Variants in FBN2 observed in about 807,000 individuals in gnomAD.
FBN2 encodes fibrillin-2.
Under a neutral mutation model 355.6 loss-of-function variants are expected in FBN2, and 105 were observed. That is an observed-to-expected ratio of 0.30 (90% CI 0.25 to 0.35). The LOEUF (loss-of-function observed/expected upper bound fraction) is 0.35. FBN2 is among the 10% of genes least tolerant of loss of function. The probability of loss-of-function intolerance (pLI) is 1.00; values close to 1 mark genes in which losing one functional copy is unlikely to be tolerated. For missense variants in FBN2, 3,280 were observed against 3,758.7 expected (o/e 0.87, Z 3.33); for synonymous variants, 1,350 against 1,301.2 (o/e 1.04, Z -0.81).
chr5:128,423,605 G>A (rs1045787624), intron 7 of FBN2, among the ~76,000 whole-genome samples: 8 of 152,294 alleles, frequency 5.3e-5, no homozygotes, highest in African/African-American at 1.9e-4. Context: ...CACAAAGCAA[G>A]AGAGAGCATA....
At chr5:128,279,429 G>A (rs1345329996) in intron 56 of FBN2, among the ~76,000 whole-genome samples, 2 of 151,990 alleles carry the variant, frequency 1.3e-5, no homozygotes, top group Admixed American at 1.3e-4. Flanking sequence ...TTATATGTAG[G>A]TTACTTTTCC....
At chr5:128,438,909 C>A (rs1753845551) in intron 7 of FBN2, among the ~76,000 whole-genome samples, 1 of 152,140 alleles carries the variant, frequency 6.6e-6, no homozygotes, top group African/African-American at 2.4e-5. Context: ...TCACCCCCAA[C>A]AATATCCAAT....
intron 23 of FBN2, 100 bp downstream of exon 23, chr5:128,349,247 T>C (rs1751278529): frequency 7.1e-7 from 1 of 1,409,576 alleles, no homozygotes; most frequent in Admixed American, 1.7e-5. Flanking sequence ...AAGCAAGTTT[T>C]CTCAAGTACA....
At chr5:128,272,168 T>C (rs1398609793) in intron 61 of FBN2, 50 bp from the exon 62 acceptor site, 1 of 1,611,794 alleles carries the variant, frequency 6.2e-7, no homozygotes, top group South Asian at 1.1e-5. Flanking sequence ...CTTCTACTAT[T>C]TTTAAATGCA....
chr5:128,315,597 T>A (rs1187817777), intron 36 of FBN2, among the ~76,000 whole-genome samples: 1 of 152,242 alleles, frequency 6.6e-6, no homozygotes, highest in African/African-American at 2.4e-5. Context: ...TCAACACCAA[T>A]TAGAACAATC....
At chr5:128,465,177 G>A (rs933772567) in intron 5 of FBN2, among the ~76,000 whole-genome samples, 1 of 152,166 alleles carries the variant, frequency 6.6e-6, no homozygotes, top group Non-Finnish European at 1.5e-5. Context: ...TGCCTTCTTG[G>A]CCTGAATAAT....
intron 34 of FBN2, among the ~76,000 whole-genome samples, chr5:128,320,038 T>C (rs567029251): frequency 2.0e-5 from 3 of 152,314 alleles, no homozygotes; most frequent in African/African-American, 4.8e-5. Context: ...CTATTTTAGA[T>C]TTAAGGTATG....
Position 128,356,074 on chromosome 5 carries a change from T to C in FBN2, c.2674+1202A>G, listed in dbSNP as rs187390870. On this transcript the variant is annotated intron_variant, in intron 20 of 64. Coordinates refer to ENST00000262464, the MANE Select transcript of FBN2 (RefSeq NM_001999.4). The stretch of plus-strand genomic sequence containing the variant: ...GCATAATAAAATGACTCCATCTCAA[T>C]TGGAAATTGTGGCTTAGCAAAAATA... 9.1e-4 allele frequency among the ~76,000 whole-genome samples: 138 copies of C among 152,308 alleles called. 3 individuals are homozygous for C. Among genetic ancestry groups the C allele is most frequent in the East Asian group, 6.9e-3 (36 of 5,190 alleles).
Position 128,369,299 on chromosome 5 carries a change from T to C in FBN2, c.2131A>G (p.Lys711Glu). ...AAAGGACGCACACACACTCCTTTCT[T>C]GATTCCTCCATAGCAGGTACTGCGC... ...HMRSTCYGGI[K>E]KGVCVRPFPG... Residue 711 changes from lysine (K) to glutamate (E), a missense_variant, in exon 16 of 65, where the codon AAG (lysine) becomes GAG (glutamate). Physicochemically the swap from Lys to Glu is moderately conservative, Grantham distance 56. Around this residue, in one of 6 missense-constraint regions of FBN2, gnomAD observed 2,284 missense variants for 2,749.5 expected, o/e 0.83. Coordinates refer to ENST00000262464, the MANE Select transcript of FBN2 (RefSeq NM_001999.4). 1 of 1,614,150 alleles carries C rather than the reference T, an allele frequency of 6.2e-7. No individual in the cohort carries two copies. The highest frequency in any genetic ancestry group is 8.5e-7 in the Non-Finnish European group (1 of 1,180,024).
chr5:128,269,243 C>G (rs1031533383), intron 62 of FBN2, among the ~76,000 whole-genome samples: 2 of 149,352 alleles, frequency 1.3e-5, no homozygotes, highest in Middle Eastern at 3.3e-3. Context: ...GGTGAAACCC[C>G]GTCTCTACTA....
chr5:128,301,413 A>G lies in FBN2; in HGVS notation c.6015T>C (p.Tyr2005=), dbSNP rs1749715044. 1 of 1,613,442 alleles carries G rather than the reference A, an allele frequency of 6.2e-7. No homozygotes were observed. The highest frequency in any genetic ancestry group is 1.3e-5 in the African/African-American group (1 of 74,922). The change falls in exon 47 of 65, where the codon TAT becomes TAC. Residue 2005 remains tyrosine (Y), a synonymous_variant. Transcript: ENST00000262464. Reference sequence around the variant, plus strand: ...AGTTTTTGCCATCTGGGGTAAGTTCATAACCTTCGTTACATAGACACTTGA... The same window carrying G: ...AGTTTTTGCCATCTGGGGTAAGTTCGTAACCTTCGTTACATAGACACTTGA... ...GSFKCLCNEG[Y]ELTPDGKNCI... is the part of the protein sequence containing the mutation.
rs774807410 is a variant in FBN2 at position 128,336,022 on chromosome 5, T to A, written c.3690A>T (p.Gly1230=). ...CCTGGCGGTCTGGCGTAGCCTGATA[T>A]CCAGGATTGCAAGAGCACTGATAGG... is the stretch of plus-strand genomic sequence containing the variant. The part of the protein sequence containing the change: ...IGTYQCSCNP[G]YQATPDRQGC... Residue 1230 remains glycine, a synonymous_variant, in exon 28 of 65, where the codon GGA becomes GGT. Coordinates refer to ENST00000262464, the MANE Select transcript of FBN2 (RefSeq NM_001999.4). 1 of 1,614,058 alleles carries A rather than the reference T, an allele frequency of 6.2e-7. No homozygotes were observed.
intron 55 of FBN2, among the ~76,000 whole-genome samples, chr5:128,284,667 C>T (rs147515418): frequency 2.2e-4 from 34 of 152,298 alleles, no homozygotes; most frequent in African/African-American, 7.2e-4. Flanking sequence ...GCACTACACT[C>T]GGGCTTTCAG....
chr5:128,406,238 C>T (rs923446013), intron 8 of FBN2, among the ~76,000 whole-genome samples: 2 of 152,178 alleles, frequency 1.3e-5, no homozygotes, highest in South Asian at 2.1e-4. Context: ...AATTTGAACA[C>T]GTTTCTGTTC....
intron 7 of FBN2, among the ~76,000 whole-genome samples, chr5:128,421,938 C>G (rs1753359495): frequency 1.3e-5 from 2 of 152,090 alleles, no homozygotes; most frequent in Non-Finnish European, 2.9e-5. Flanking sequence ...GGTCCTCTGT[C>G]CAATGTAATT....
intron 55 of FBN2, among the ~76,000 whole-genome samples, chr5:128,285,384 A>G (rs1749119479): frequency 6.6e-6 from 1 of 152,204 alleles, no homozygotes; most frequent in Non-Finnish European, 1.5e-5. Context: ...GAGTTTTGTG[A>G]TGATCAAAAA....
chr5:128,286,473 A>T (rs1161595147), intron 55 of FBN2, among the ~76,000 whole-genome samples: 1 of 152,194 alleles, frequency 6.6e-6, no homozygotes, highest in Non-Finnish European at 1.5e-5. Flanking sequence ...ATATAGTTTT[A>T]TTTACAATTT....
chr5:128,381,314 T>G (rs2126963167), intron 11 of FBN2, among the ~76,000 whole-genome samples: 1 of 152,150 alleles, frequency 6.6e-6, no homozygotes, highest in East Asian at 1.9e-4. Flanking sequence ...AATAGCAAAA[T>G]AGACCCAATT....
At chr5:128,290,331 A>G (rs1053528712) in intron 50 of FBN2, among the ~76,000 whole-genome samples, 4 of 152,190 alleles carry the variant, frequency 2.6e-5, no homozygotes, top group Admixed American at 2.6e-4. Context: ...GTAAAGGGCC[A>G]TTGTGCTGAC....
Sources: allele counts gnomAD v4.1 joint callset (sites outside exome capture counted in the v4.1 genomes callset), GRCh38; gene constraint gnomAD v4.1.1; regional missense constraint gnomAD v4.1.1; transcripts MANE v1.5; gene names NCBI Gene and HGNC (gene_info 2026-07-23, HGNC 2026-07-21).